The following WNK2 variants were observed in gnomAD, a reference collection of about 807,000 sequenced individuals.
The protein encoded by WNK2 is WNK lysine deficient protein kinase 2, also known as serine/threonine-protein kinase WNK2.
A neutral mutation model predicts 192.1 loss-of-function variants in WNK2; 67 were observed. The observed-to-expected ratio is 0.35, with a 90% confidence interval of 0.29 to 0.43. The LOEUF is 0.43. Ranked by LOEUF, WNK2 falls within the 20% of genes least tolerant of loss-of-function variation. The probability of loss-of-function intolerance (pLI) is 1.00; values close to 1 mark genes in which losing one functional copy is unlikely to be tolerated. For synonymous variants in WNK2, 1,439 were observed against 1,393.9 expected, an observed-to-expected ratio of 1.03 and a Z score of -0.72; for missense variants, 2,698 against 3,089.7, an observed-to-expected ratio of 0.87 and a Z score of 3.01.
At chr9:93,291,016 C>T (rs954464413) in intron 21 of WNK2, among the ~76,000 whole-genome samples, 1 of 152,196 alleles carries the variant, frequency 6.6e-6, no homozygotes, top group African/African-American at 2.4e-5. Context: ...GGCGGGACCC[C>T]GTAGTCCCAG....
At chr9:93,230,005 A>T in intron 3 of WNK2, 137 bp downstream of exon 3, 3 of 1,080,086 alleles carry the variant, frequency 2.8e-6, no homozygotes, top group Non-Finnish European at 3.9e-6. Flanking sequence ...CCTCTCCTGC[A>T]TGGGATGCCA....
chr9:93,213,139 G>T (rs1294717960), intron 2 of WNK2, among the ~76,000 whole-genome samples: 1 of 152,152 alleles, frequency 6.6e-6, no homozygotes, highest in Non-Finnish European at 1.5e-5. Context: ...GGATATAAGA[G>T]CCGTCTTCCC....
At chr9:93,294,449 GTATGAC>G (rs1849916496) in intron 23 of WNK2, among the ~76,000 whole-genome samples, 1 of 152,202 alleles carries the variant, frequency 6.6e-6, no homozygotes, top group South Asian at 2.1e-4. Flanking sequence ...CCCAAGGTGG[GTATGAC>G]CTAGAACCTT....
At chr9:93,191,566 G>C (rs1235419123) in intron 2 of WNK2, among the ~76,000 whole-genome samples, 1 of 152,088 alleles carries the variant, frequency 6.6e-6, no homozygotes, top group East Asian at 1.9e-4. Flanking sequence ...GGGACAGTTG[G>C]GGATGAGGGT....
chr9:93,317,133 T>C, intron 28 of WNK2: 1 of 312,218 alleles, frequency 3.2e-6, no homozygotes, highest in Non-Finnish European at 6.0e-6. Flanking sequence ...TGCCAGCTCC[T>C]GGGTGGTTCA....
intron 23 of WNK2, among the ~76,000 whole-genome samples, chr9:93,294,321 G>A (rs1849889800): frequency 6.6e-6 from 1 of 152,230 alleles, no homozygotes; most frequent in Non-Finnish European, 1.5e-5. Flanking sequence ...GCTGCTGGGA[G>A]AGGCAGGAAG....
intron 11 of WNK2, among the ~76,000 whole-genome samples, chr9:93,258,666 G>A (rs1340241701): frequency 6.6e-6 from 1 of 152,088 alleles, no homozygotes; most frequent in African/African-American, 2.4e-5. Context: ...CTGGACCAGG[G>A]GTGATCGAGC....
chr9:93,193,063 TG>T (rs1024655741), intron 2 of WNK2, among the ~76,000 whole-genome samples: 3 of 152,180 alleles, frequency 2.0e-5, no homozygotes, highest in Non-Finnish European at 4.4e-5. Context: ...GCCGTGTGTC[TG>T]GGTCTCCCTT....
chr9:93,303,285 G>A (rs568502739), intron 26 of WNK2, among the ~76,000 whole-genome samples: 1 of 152,250 alleles, frequency 6.6e-6, no homozygotes, highest in East Asian at 1.9e-4. Context: ...TGCTGAGATG[G>A]CACCTCTGGT....
intron 2 of WNK2, among the ~76,000 whole-genome samples, chr9:93,187,053 C>A (rs769950233): frequency 2.6e-5 from 4 of 152,124 alleles, no homozygotes; most frequent in African/African-American, 9.7e-5. Context: ...TTGATTCTGG[C>A]GAGCGGTCTT....
At position 93,201,743 on chromosome 9, in the gene WNK2, C is replaced by A. The variant is rs534199284; in HGVS notation, c.681+16133C>A. Among the ~76,000 whole-genome samples the A allele has an allele frequency of 3.3e-5, 5 of 152,310 alleles. No individual in the cohort carries two copies. In the South Asian group the frequency reaches 1.0e-3, roughly 32 times the overall value. ...AAGAGCCCTTTTGGCTCATATCTGG[C>A]CTGTCTGAAATGGCCTGTCAGCCTC... On this transcript the variant is annotated intron_variant, in intron 2 of 29. Coordinates refer to ENST00000427277, the MANE Select transcript of WNK2 (RefSeq NM_006648.4).
chr9:93,236,990 C>G (rs898275252), intron 5 of WNK2, among the ~76,000 whole-genome samples: 3 of 152,228 alleles, frequency 2.0e-5, no homozygotes, highest in African/African-American at 7.2e-5. Context: ...ACCCCAGTAT[C>G]AAATTCTGCA....
Position 93,195,699 on chromosome 9 carries a change from C to CAAAA in WNK2, c.681+10111_681+10114dup, listed in dbSNP as rs59357990. Among the ~76,000 whole-genome samples, 167 of 41,106 alleles carry CAAAA rather than the reference C, an allele frequency of 4.1e-3. 8 individuals are homozygous for CAAAA. Among genetic ancestry groups the CAAAA allele is most frequent in the South Asian group, 8.6e-3 (6 of 700 alleles). 27.0% of individuals were successfully genotyped at this position (41,106 alleles called of 152,430 possible). On this transcript the variant is annotated intron_variant, in intron 2 of 29. Transcript: ENST00000427277. ...GGGCAACAGAGTAAAGACTTTGTCTCAAAAAAAAAAAAAAAAAAAAAAAAA... is the reference window on the plus strand; with the variant it reads ...GGGCAACAGAGTAAAGACTTTGTCTCAAAAAAAAAAAAAAAAAAAAAAAAAAAAA...
intron 16 of WNK2, among the ~76,000 whole-genome samples, chr9:93,266,199 C>T (rs1267692576): frequency 3.9e-5 from 6 of 152,172 alleles, no homozygotes; most frequent in Admixed American, 3.9e-4. Context: ...CAAGCTTCTG[C>T]CCGCCCTGTG....
chr9:93,272,113 A>C (rs1449047667), intron 19 of WNK2, among the ~76,000 whole-genome samples: 1 of 152,274 alleles, frequency 6.6e-6, no homozygotes, highest in African/African-American at 2.4e-5. Flanking sequence ...CTACTCTAAA[A>C]TTAGAATTGT....
At chr9:93,319,102 T>C (rs571326914) in intron 29 of WNK2, 2 of 1,614,070 alleles carry the variant, frequency 1.2e-6, no homozygotes, top group South Asian at 2.2e-5. Flanking sequence ...TGCCCTCACC[T>C]GTCCCCCTTG....
At chr9:93,228,081 A>AT (rs754677751) in intron 2 of WNK2, among the ~76,000 whole-genome samples, 1 of 152,006 alleles carries the variant, frequency 6.6e-6, no homozygotes, top group Non-Finnish European at 1.5e-5. Context: ...TGGTCTCTGA[A>AT]TTATTTGTTT....
Position 93,247,666 on chromosome 9 carries a change from C to T in WNK2, c.1666C>T (p.Gln556Ter), listed in dbSNP as rs1453792163. ...IWPALQPKEQ[Q>*]DVGSPDKARG... is the part of the protein sequence containing the mutation. Reference sequence around the variant, plus strand: ...GCCCGCGCTGCAGCCCAAGGAGCAGCAGGATGTGGGCAGCCCGGACAAGGC... The same window carrying T: ...GCCCGCGCTGCAGCCCAAGGAGCAGTAGGATGTGGGCAGCCCGGACAAGGC... Residue 556 changes from glutamine to a stop codon, truncating the protein, a stop_gained, in exon 8 of 30, where the codon CAG becomes TAG. Coordinates refer to ENST00000427277, the MANE Select transcript of WNK2 (RefSeq NM_006648.4). LOFTEE classifies it high-confidence loss of function. The surrounding 1 kb of genome is among the most constrained non-coding windows in gnomAD (Gnocchi z 5.2). 1 of 1,579,596 alleles carries T rather than the reference C, an allele frequency of 6.3e-7. No individual in the cohort carries two copies. The highest frequency in any genetic ancestry group is 1.3e-5 in the African/African-American group (1 of 74,216).
chr9:93,214,579 C>T (rs528703704), intron 2 of WNK2, among the ~76,000 whole-genome samples: 1 of 152,058 alleles, frequency 6.6e-6, no homozygotes, highest in South Asian at 2.1e-4. Flanking sequence ...GCTGGGGTTA[C>T]AGGCATGAGC....
Sources: gnomAD v4.1 joint callset for allele counts (sites outside exome capture counted in the v4.1 genomes callset) on GRCh38, gnomAD v4.1.1 for gene constraint, Gnocchi (gnomAD v3.1) non-coding constraint, MANE v1.5 for transcripts, NCBI Gene and HGNC (gene_info 2026-07-23, HGNC 2026-07-21) for gene names.